The following ADD2 variants were observed in gnomAD, a reference collection of about 807,000 sequenced individuals.
ADD2 encodes the protein beta-adducin.
A neutral mutation model predicts 83.0 loss-of-function variants in ADD2; 23 were observed. That is an observed-to-expected ratio of 0.28 (90% CI 0.20 to 0.39). The LOEUF is 0.39. Ranked by LOEUF, ADD2 falls within the 10% of genes least tolerant of loss-of-function variation. ADD2 has a pLI of 1.00. For synonymous variants in ADD2, 375 were observed against 375.4 expected (o/e 1.00, Z 0.01); for missense variants, 758 against 944.9 (o/e 0.80, Z 2.59).
In ADD2 at chr2:70,726,376, T is replaced by C. The variant is rs1303838503; in HGVS notation, c.-153-13192A>G. 4.6e-5 allele frequency among the ~76,000 whole-genome samples: 7 copies of C among 152,052 alleles called. No individual in the cohort carries two copies. In the South Asian group the frequency reaches 6.2e-4, roughly 14 times the overall value. Reference sequence around the variant, plus strand: ...AGAGTGGAAGGAAGCCATTGACCTTTAGTGGCACTTGTCCCTGGGATCAAT... The same window carrying C: ...AGAGTGGAAGGAAGCCATTGACCTTCAGTGGCACTTGTCCCTGGGATCAAT... On this transcript the variant is annotated intron_variant, in intron 1 of 15. Coordinates refer to ENST00000264436, the MANE Select transcript of ADD2 (RefSeq NM_001617.4).
intron 8 of ADD2, among the ~76,000 whole-genome samples, chr2:70,689,157 C>T (rs1401491570): frequency 6.6e-6 from 1 of 152,138 alleles, no homozygotes; most frequent in East Asian, 1.9e-4. Flanking sequence ...AACTAGAAGC[C>T]AGGGGTTCTC....
At chr2:70,687,760 C>A (rs2074818) in intron 9 of ADD2, among the ~76,000 whole-genome samples, 44,039 of 152,036 alleles carry the variant, frequency 0.29, 6,703 homozygotes, top group East Asian at 0.44. Context: ...CCAGGCAGCT[C>A]CCCAGACTGG....
chr2:70,707,115 A>G (rs148648089), intron 2 of ADD2, among the ~76,000 whole-genome samples: 50 of 152,386 alleles, frequency 3.3e-4, no homozygotes, highest in African/African-American at 6.5e-4. Flanking sequence ...GCTTTGCCCA[A>G]TGCTTTTCTT....
chr2:70,742,108 T>C (rs1325161885), intron 1 of ADD2, among the ~76,000 whole-genome samples: 1 of 152,270 alleles, frequency 6.6e-6, no homozygotes, highest in Non-Finnish European at 1.5e-5. Flanking sequence ...ACACCTTTAA[T>C]ATTCCTAATT....
At chr2:70,725,775 A>G (rs1267185984) in intron 1 of ADD2, among the ~76,000 whole-genome samples, 1 of 151,956 alleles carries the variant, frequency 6.6e-6, no homozygotes, top group East Asian at 1.9e-4. Context: ...TGCTTCTCCA[A>G]CCACAATGTA....
chr2:70,717,847 G>T (rs1432345778), intron 1 of ADD2: 1 of 152,214 alleles, frequency 6.6e-6, no homozygotes, highest in East Asian at 1.9e-4. Context: ...TGGGATTATG[G>T]GGAAAGCTTA....
intron 1 of ADD2, among the ~76,000 whole-genome samples, chr2:70,747,104 A>C (rs1247569791): frequency 7.1e-6 from 1 of 141,772 alleles, no homozygotes; most frequent in Non-Finnish European, 1.5e-5. Flanking sequence ...TCCGCCTCCC[A>C]GGTTCACGCC....
intron 1 of ADD2, among the ~76,000 whole-genome samples, chr2:70,750,429 G>A (rs1674452201): frequency 6.6e-6 from 1 of 152,192 alleles, no homozygotes; most frequent in African/African-American, 2.4e-5. Context: ...TGAAGATGAA[G>A]TCATAGTGGA....
chr2:70,704,171 G>T, intron 4 of ADD2, 150 bp downstream of exon 4: 49 of 986,472 alleles, frequency 5.0e-5, no homozygotes, highest in Non-Finnish European at 7.1e-5. Flanking sequence ...TACCTCTCTG[G>T]CTGCTGCTGA....
At chr2:70,751,192 C>T in intron 1 of ADD2, among the ~76,000 whole-genome samples, 1 of 152,128 alleles carries the variant, frequency 6.6e-6, no homozygotes, top group East Asian at 1.9e-4. Flanking sequence ...TCTGTTTGAT[C>T]CCTTCCACTT....
At chr2:70,699,749 C>T (rs1445435602) in intron 4 of ADD2, among the ~76,000 whole-genome samples, 2 of 152,100 alleles carry the variant, frequency 1.3e-5, no homozygotes, top group African/African-American at 2.4e-5. Flanking sequence ...CATTGCTCTC[C>T]AGCCTAGGAG....
chr2:70,675,282 A>G (rs1280882056), intron 13 of ADD2: 4 of 998,104 alleles, frequency 4.0e-6, no homozygotes, highest in Non-Finnish European at 4.8e-6. Flanking sequence ...GCCACAACAC[A>G]CAGCATTAAG....
chr2:70,695,640 G>T, intron 6 of ADD2, 81 bp downstream of exon 6: 1 of 1,334,020 alleles, frequency 7.5e-7, no homozygotes, highest in Non-Finnish European at 1.1e-6. Context: ...TGACCAATTT[G>T]GAGATGACCT....
chr2:70,728,856 A>C (rs1553378795), intron 1 of ADD2, among the ~76,000 whole-genome samples: 14 of 152,164 alleles, frequency 9.2e-5, no homozygotes, highest in Non-Finnish European at 1.9e-4. Context: ...CCACATAGGC[A>C]AGTCCAGTGC....
intron 11 of ADD2, 93 bp downstream of exon 11, chr2:70,678,611 G>A (rs1670296175): frequency 6.8e-7 from 1 of 1,474,866 alleles, no homozygotes; most frequent in East Asian, 2.4e-5. Flanking sequence ...CCTGGGGCAG[G>A]AGAGGTTTGT....
chr2:70,727,059 G>A (rs1445364931), intron 1 of ADD2, among the ~76,000 whole-genome samples: 4 of 152,188 alleles, frequency 2.6e-5, no homozygotes, highest in East Asian at 1.9e-4. Context: ...GGCTTTGATC[G>A]ATCAGTAGTG....
intron 6 of ADD2, among the ~76,000 whole-genome samples, chr2:70,695,247 C>G (rs531710876): frequency 6.6e-6 from 1 of 152,120 alleles, no homozygotes; most frequent in African/African-American, 2.4e-5. Flanking sequence ...CTTTCCTCCC[C>G]CCATCTGGAA....
Position 70,658,748 on chromosome 2 carries a change from C to T in ADD2, c.*4677G>A, listed in dbSNP as rs890040886. 1 of 152,214 alleles carries T rather than the reference C, an allele frequency of 6.6e-6. No individual in the cohort carries two copies. Among genetic ancestry groups the T allele is most frequent in the African/African-American group, 2.4e-5 (1 of 41,450 alleles). The allele number at this position is 152,214 out of a possible 1,614,324, so 9.4% of individuals were successfully genotyped here. A position where few individuals can be genotyped will look rare whatever the true frequency, so the allele number is the denominator to read the frequency against. ...AACCAACTCTAGGGCTTCTGCTGAC[C>T]TGCATGTGTAAAATGAGTAAGGGGT... is the stretch of plus-strand genomic sequence containing the variant. On this transcript the variant is annotated 3_prime_UTR_variant, in exon 16 of 16. Transcript: ENST00000264436.
intron 4 of ADD2, among the ~76,000 whole-genome samples, chr2:70,702,595 G>C (rs1211322038): frequency 2.0e-5 from 3 of 150,652 alleles, no homozygotes; most frequent in Non-Finnish European, 4.4e-5. Context: ...ATCAAAAGCA[G>C]AACACACAAA....
Sources: allele counts gnomAD v4.1 joint callset (sites outside exome capture counted in the v4.1 genomes callset), GRCh38; gene constraint gnomAD v4.1.1; transcripts MANE v1.5; gene names NCBI Gene and HGNC (gene_info 2026-07-23, HGNC 2026-07-21).